Variants in PCSK6 observed in about 807,000 individuals in gnomAD.
PCSK6 encodes the protein paired basic amino acid cleaving enzyme 4.
In PCSK6, 85 loss-of-function variants were observed where a neutral mutation model predicts 123.3. The ratio of observed to expected loss-of-function variants is 0.69; its 90% CI spans 0.58 to 0.83. The LOEUF (loss-of-function observed/expected upper bound fraction) is 0.83, where lower values mean the gene tolerates loss of function less well. Ranked by LOEUF, PCSK6 falls within the 40% of genes least tolerant of loss-of-function variation. The probability of loss-of-function intolerance (pLI) is 0.00; values close to 1 mark genes in which losing one functional copy is unlikely to be tolerated. For missense variants in PCSK6, 1,191 were observed against 1,282.3 expected (o/e 0.93, Z 1.09); for synonymous variants, 508 against 516.0 (o/e 0.98, Z 0.21).
chr15:101,402,926 T>A (rs1159566350), intron 6 of PCSK6, among the ~76,000 whole-genome samples: 3 of 152,148 alleles, frequency 2.0e-5, no homozygotes, highest in African/African-American at 2.4e-5. Flanking sequence ...ACTGGGTATA[T>A]ACCCAAAGGA....
At chr15:101,343,847 T>C (rs2040673008) in intron 13 of PCSK6, among the ~76,000 whole-genome samples, 2 of 152,172 alleles carry the variant, frequency 1.3e-5, no homozygotes, top group South Asian at 4.1e-4. Flanking sequence ...TCCCAGCACT[T>C]TGGGAGGCCA....
At chr15:101,313,537 G>A (rs1343444636) in intron 19 of PCSK6, 32 bp from the exon 20 acceptor site, 1 of 1,568,908 alleles carries the variant, frequency 6.4e-7, no homozygotes, top group Non-Finnish European at 8.6e-7. Context: ...GCAGGTATCA[G>A]GGATGGCTGG....
intron 20 of PCSK6, among the ~76,000 whole-genome samples, chr15:101,312,645 A>C (rs977735705): frequency 2.0e-5 from 3 of 152,208 alleles, no homozygotes; most frequent in Admixed American, 6.5e-5. Flanking sequence ...AGCCTGGCCA[A>C]CGTGGTGAAA....
chr15:101,414,404 A>T (rs1332321307), intron 6 of PCSK6, among the ~76,000 whole-genome samples: 2 of 152,210 alleles, frequency 1.3e-5, no homozygotes, highest in Admixed American at 6.5e-5. Context: ...AATTAATTAG[A>T]CTTTATACTT....
chr15:101,466,285 C>T (rs147511420), intron 1 of PCSK6, among the ~76,000 whole-genome samples: 26 of 152,270 alleles, frequency 1.7e-4, no homozygotes, highest in South Asian at 8.3e-4. Context: ...ATACGTTCAA[C>T]GTCATTAGCC....
Position 101,382,109 on chromosome 15 carries a change from G to A in PCSK6, c.1515C>T (p.Ala505=). The A allele has an allele frequency of 1.2e-6, 2 of 1,608,400 alleles. No homozygotes were observed. Among genetic ancestry groups the A allele is most frequent in the Non-Finnish European group, 1.7e-6 (2 of 1,177,440 alleles). ...AVPSQHMCVA[A]SDKRPRSIPL... Reference sequence around the variant, plus strand: ...AGCCTTACCTGGGTCTCTTGTCCGAGGCGGCCACACACATGTGCTGCGATG... The same window carrying A: ...AGCCTTACCTGGGTCTCTTGTCCGAAGCGGCCACACACATGTGCTGCGATG... The change falls in exon 11 of 22, where the codon GCC becomes GCT. Residue 505 remains alanine, a synonymous_variant. Transcript: ENST00000611716.
chr15:101,422,152 C>T (rs761281998), intron 6 of PCSK6, among the ~76,000 whole-genome samples: 1 of 152,092 alleles, frequency 6.6e-6, no homozygotes, highest in African/African-American at 2.4e-5. Context: ...TACTGAAGTA[C>T]AGTAAAATGT....
intron 6 of PCSK6, among the ~76,000 whole-genome samples, chr15:101,403,410 T>C (rs1451358475): frequency 1.5e-5 from 2 of 137,292 alleles, no homozygotes; most frequent in African/African-American, 5.4e-5. Flanking sequence ...ACCCTAAAAC[T>C]TAAAGTATAA....
intron 18 of PCSK6, among the ~76,000 whole-genome samples, chr15:101,322,127 G>C (rs3784514): frequency 0.039 from 5,988 of 152,250 alleles, 232 homozygotes; most frequent in East Asian, 0.24. Flanking sequence ...CAGGAGCTGG[G>C]AGAAAAAGAG....
intron 1 of PCSK6, among the ~76,000 whole-genome samples, chr15:101,457,971 C>T (rs190550096): frequency 1.2e-3 from 179 of 152,292 alleles, no homozygotes; most frequent in Admixed American, 3.5e-3. Context: ...TTACCCCCTA[C>T]CAGCGCTGAC....
At chr15:101,480,107 C>T (rs796908391) in intron 1 of PCSK6, among the ~76,000 whole-genome samples, 1 of 152,234 alleles carries the variant, frequency 6.6e-6, no homozygotes, top group Admixed American at 6.5e-5. Context: ...TGATGGATTC[C>T]CCCCAGGGCG....
At chr15:101,457,860 A>G (rs2057229989) in intron 1 of PCSK6, among the ~76,000 whole-genome samples, 1 of 152,222 alleles carries the variant, frequency 6.6e-6, no homozygotes, top group African/African-American at 2.4e-5. Context: ...TATCTGTCCA[A>G]TTCCAGACTG....
chr15:101,428,102 C>A, intron 5 of PCSK6, 122 bp from the exon 6 acceptor site: 1 of 801,622 alleles, frequency 1.2e-6, no homozygotes, highest in Non-Finnish European at 2.0e-6. Flanking sequence ...GTCATTAAAG[C>A]CCATTTCCTG....
chr15:101,458,661 A>G (rs1451034889), intron 1 of PCSK6, among the ~76,000 whole-genome samples: 2 of 151,926 alleles, frequency 1.3e-5, no homozygotes, highest in Non-Finnish European at 2.9e-5. Context: ...GGCTCCACAT[A>G]CCCAGCAGAT....
intron 1 of PCSK6, among the ~76,000 whole-genome samples, chr15:101,481,353 G>C (rs1424218282): frequency 6.6e-6 from 1 of 150,968 alleles, no homozygotes; most frequent in Non-Finnish European, 1.5e-5. Flanking sequence ...GGCGAACCTG[G>C]TGACGGGTGG....
chr15:101,445,453 A>G (rs1249890804), intron 1 of PCSK6, among the ~76,000 whole-genome samples: 1 of 152,148 alleles, frequency 6.6e-6, no homozygotes, highest in Non-Finnish European at 1.5e-5. Context: ...GTTTTCCGCA[A>G]TTCTGATTCT....
chr15:101,412,509 T>C (rs2055725079), intron 6 of PCSK6, among the ~76,000 whole-genome samples: 1 of 151,072 alleles, frequency 6.6e-6, no homozygotes, highest in South Asian at 2.1e-4. Flanking sequence ...ATTACAAATA[T>C]GCCTAAAACA....
At chr15:101,335,881 C>T (rs761664554) in intron 13 of PCSK6, among the ~76,000 whole-genome samples, 10 of 152,206 alleles carry the variant, frequency 6.6e-5, no homozygotes, top group African/African-American at 2.2e-4. Context: ...GTACAGCCTG[C>T]GGCTCCCAGG....
chr15:101,328,579 C>T (rs771635787), intron 15 of PCSK6, among the ~76,000 whole-genome samples: 6 of 152,106 alleles, frequency 3.9e-5, no homozygotes, highest in Non-Finnish European at 8.8e-5. Context: ...AGCAGTGCTC[C>T]CAGCTGCTGG....
Sources: allele counts gnomAD v4.1 joint callset (sites outside exome capture counted in the v4.1 genomes callset), GRCh38; gene constraint gnomAD v4.1.1; transcripts MANE v1.5; gene names NCBI Gene and HGNC (gene_info 2026-07-23, HGNC 2026-07-21).